The following MYH13 variants were observed in gnomAD, a reference collection of about 807,000 sequenced individuals.
The protein encoded by MYH13 is myosin heavy chain 13.
Under a neutral mutation model 232.1 loss-of-function variants are expected in MYH13, and 177 were observed. That is an observed-to-expected ratio of 0.76 (90% CI 0.67 to 0.86). MYH13 has a LOEUF of 0.86. MYH13 is among the 40% of genes least tolerant of loss of function. The probability of loss-of-function intolerance (pLI) is 0.00; values close to 1 mark genes in which losing one functional copy is unlikely to be tolerated. For synonymous variants in MYH13, 884 were observed against 923.5 expected (o/e 0.96, Z 0.78); for missense variants, 2,246 against 2,405.9 (o/e 0.93, Z 1.39).
At chr17:10,343,529 TTTA>T (rs2071635989) in intron 16 of MYH13, among the ~76,000 whole-genome samples, 1 of 152,144 alleles carries the variant, frequency 6.6e-6, no homozygotes, top group African/African-American at 2.4e-5. Flanking sequence ...AAGGGTGAAT[TTTA>T]TTATATGTGA....
In MYH13 at chr17:10,366,381, G is replaced by GTTTTTTTTTTTTTTTTTTTTTT. The variant is rs56798899; in HGVS notation, c.-12-1840_-12-1839insAAAAAAAAAAAAAAAAAAAAAA. On this transcript the variant is annotated intron_variant, in intron 2 of 40. Coordinates refer to ENST00000252172, the MANE Select transcript of MYH13 (RefSeq NM_003802.3). ...CATATCTCTCTTAAGAAATAAATCTGTTTTTTTTTTTTTTTTTGAGATGGA... is the reference window on the plus strand; with the variant it reads ...CATATCTCTCTTAAGAAATAAATCTGTTTTTTTTTTTTTTTTTTTTTTTTTTTTTTTTTTTTTTTGAGATGGA... 2.5e-4 allele frequency among the ~76,000 whole-genome samples: 28 copies of GTTTTTTTTTTTTTTTTTTTTTT among 112,618 alleles called. 4 individuals carry two copies. The highest frequency in any genetic ancestry group is 4.7e-4 in the Non-Finnish European group (25 of 53,102). 73.9% of individuals were successfully genotyped at this position (112,618 alleles called of 152,430 possible). A position where few individuals can be genotyped will look rare whatever the true frequency, so the allele number is the denominator to read the frequency against.
At chr17:10,309,938 A>G (rs1906446356) in intron 33 of MYH13, 108 bp from the exon 34 acceptor site, 2 of 1,008,694 alleles carry the variant, frequency 2.0e-6, no homozygotes, top group Non-Finnish European at 1.3e-6. Flanking sequence ...TAAAAAAATT[A>G]AATTTAAATT....
chr17:10,350,211 G>T (rs1014085599), intron 12 of MYH13, among the ~76,000 whole-genome samples: 3 of 152,110 alleles, frequency 2.0e-5, no homozygotes, highest in African/African-American at 4.8e-5. Flanking sequence ...AATTAAGACT[G>T]CATTCTGGTG....
At chr17:10,346,581 T>A (rs1282815615) in intron 13 of MYH13, 99 bp downstream of exon 13, 15 of 904,086 alleles carry the variant, frequency 1.7e-5, no homozygotes, top group Non-Finnish European at 2.2e-5. Context: ...GAAAGCTGAT[T>A]TCATGTGCAT....
intron 18 of MYH13, among the ~76,000 whole-genome samples, chr17:10,335,595 A>G (rs2071567124): frequency 6.6e-6 from 1 of 152,156 alleles, no homozygotes; most frequent in Non-Finnish European, 1.5e-5. Context: ...TCTACTAAAA[A>G]TATGAAAACG....
rs374698328 is a variant in MYH13 at position 10,324,504 on chromosome 17, G to A, written c.2692-240C>T. On this transcript the variant is annotated intron_variant, in intron 22 of 40. Transcript: ENST00000252172. ...TCTGTGGCCCAGGCTGGAGTGTAGC[G>A]GCATGATCTTTGCTCACTGCAACCT... 9.9e-5 allele frequency among the ~76,000 whole-genome samples: 15 copies of A among 152,136 alleles called. No individual in the cohort carries two copies. In the East Asian group the frequency reaches 1.4e-3, roughly 14 times the overall value.
chr17:10,348,690 T>G (rs1468803172), intron 12 of MYH13, among the ~76,000 whole-genome samples: 2 of 147,216 alleles, frequency 1.4e-5, no homozygotes, highest in Non-Finnish European at 3.1e-5. Flanking sequence ...CCTGATACTC[T>G]TTTTTTTTTC....
At chr17:10,357,440 T>A (rs184103700) in intron 8 of MYH13, among the ~76,000 whole-genome samples, 1 of 152,266 alleles carries the variant, frequency 6.6e-6, no homozygotes, top group African/African-American at 2.4e-5. Flanking sequence ...AGAGACCCAT[T>A]TTAGCATAAA....
intron 8 of MYH13, 72 bp downstream of exon 8, chr17:10,357,663 G>T: frequency 6.9e-7 from 1 of 1,443,170 alleles, no homozygotes; most frequent in South Asian, 1.2e-5. Context: ...TTATGGGGCA[G>T]TTTTTCATAT....
At chr17:10,301,940 C>T (rs1386717017) in intron 39 of MYH13, among the ~76,000 whole-genome samples, 1 of 152,158 alleles carries the variant, frequency 6.6e-6, no homozygotes, top group Non-Finnish European at 1.5e-5. Context: ...TCCACATGTT[C>T]CCTTGAATCT....
In MYH13 at chr17:10,330,375, G is replaced by A. The variant is rs2142244774; in HGVS notation, c.2435+12C>T. ...GAGGGCAGGATAAGGTGGAGGTGAGGGTCTGTGTCACCTCCTCTCCATCAT... is the reference window on the plus strand; with the variant it reads ...GAGGGCAGGATAAGGTGGAGGTGAGAGTCTGTGTCACCTCCTCTCCATCAT... On this transcript the variant is annotated intron_variant, in intron 21 of 40. Transcript: ENST00000252172. The A allele has an allele frequency of 6.2e-7, 1 of 1,613,310 alleles. No individual in the cohort carries two copies. Among genetic ancestry groups the A allele is most frequent in the Non-Finnish European group, 8.5e-7 (1 of 1,179,656 alleles).
chr17:10,341,369 C>T (rs1356241071), intron 16 of MYH13: 1 of 152,158 alleles, frequency 6.6e-6, no homozygotes, highest in East Asian at 1.9e-4. Flanking sequence ...TAGTTTCTTT[C>T]ATGAATTTAC....
Position 10,306,764 on chromosome 17 carries a change from C to T in MYH13, c.5296-135G>A. 1 of 1,518,406 alleles carries T rather than the reference C, an allele frequency of 6.6e-7. No homozygotes were observed. The highest frequency in any genetic ancestry group is 8.8e-7 in the Non-Finnish European group (1 of 1,133,550). The allele number at this position is 1,518,406 out of a possible 1,614,324, so 94.1% of individuals were successfully genotyped here. ...GGGGCCAGTCATTGCTGATTCCCCA[C>T]AGCCTCCCCTCCCACTTTGCCACTG... On this transcript the variant is annotated intron_variant, in intron 36 of 40. Coordinates refer to ENST00000252172, the MANE Select transcript of MYH13 (RefSeq NM_003802.3). The surrounding 1 kb of genome is among the most constrained non-coding windows in gnomAD (Gnocchi z 4.3).
intron 5 of MYH13, among the ~76,000 whole-genome samples, chr17:10,361,283 T>C (rs904907599): frequency 1.3e-5 from 2 of 150,420 alleles, no homozygotes; most frequent in Non-Finnish European, 1.5e-5. Flanking sequence ...CAGATTCAGA[T>C]GCTAGACTCT....
chr17:10,362,310 T>C (rs1367890345), intron 4 of MYH13, 36 bp from the exon 5 acceptor site: 3 of 1,613,766 alleles, frequency 1.9e-6, no homozygotes, highest in African/African-American at 1.3e-5. Context: ...TTGGATCTCG[T>C]TTTTACTCAG....
At chr17:10,347,428 T>C (rs2071674566) in intron 12 of MYH13, among the ~76,000 whole-genome samples, 1 of 152,156 alleles carries the variant, frequency 6.6e-6, no homozygotes, top group Admixed American at 6.6e-5. Flanking sequence ...AAATGTTATA[T>C]GAGTAAAGGA....
rs1191479941 is a variant in MYH13 at position 10,309,158 on chromosome 17, G to T, written c.5169+76C>A. On this transcript the variant is annotated intron_variant, in intron 35 of 40. Coordinates refer to ENST00000252172, the MANE Select transcript of MYH13 (RefSeq NM_003802.3). ...CGTGGGCCCTGAGTGGAGGGATAGC[G>T]GAAGCAGCTGCACGGTGCAGGAGGC... 2.1e-6 allele frequency: 3 copies of T among 1,431,244 alleles called. 1 individual carries two copies. The South Asian group carries it at 4.1e-5, about 20-fold the overall frequency. 88.7% of individuals were successfully genotyped at this position (1,431,244 alleles called of 1,614,324 possible).
At chr17:10,369,427 T>A (rs1489918042) in intron 2 of MYH13, among the ~76,000 whole-genome samples, 3 of 151,940 alleles carry the variant, frequency 2.0e-5, no homozygotes, top group Non-Finnish European at 4.4e-5. Context: ...ATCTTACAAA[T>A]TTCTCAGCTA....
Position 10,345,528 on chromosome 17 carries a change from G to A in MYH13, c.1352C>T (p.Thr451Ile). The A allele has an allele frequency of 6.2e-7, 1 of 1,614,160 alleles. No homozygotes were observed. Among genetic ancestry groups the A allele is most frequent in the Non-Finnish European group, 8.5e-7 (1 of 1,180,034 alleles). The change falls in exon 14 of 41, where the codon ACC (threonine) becomes ATC (isoleucine). Residue 451 changes from threonine (T) to isoleucine (I), a missense_variant. Thr to Ile is a moderately conservative substitution (Grantham distance 89, BLOSUM62 -1). Transcript: ENST00000252172. ...MVTRINQQLD[T>I]KQPRQYFIGV... is the part of the protein sequence containing the mutation. ...GATGAAGTACTGCCTGGGCTGCTTG[G>A]TGTCCAGCTGCTGGTTGATGCGGGT...
Sources: allele counts gnomAD v4.1 joint callset (sites outside exome capture counted in the v4.1 genomes callset), GRCh38; gene constraint gnomAD v4.1.1; non-coding constraint Gnocchi (gnomAD v3.1); transcripts MANE v1.5; gene names NCBI Gene and HGNC (gene_info 2026-07-23, HGNC 2026-07-21).